The following CAPN12 variants were observed in gnomAD, a reference collection of about 807,000 sequenced individuals.
CAPN12 encodes calpain 12.
Under a neutral mutation model 95.0 loss-of-function variants are expected in CAPN12, and 107 were observed. The ratio of observed to expected loss-of-function variants is 1.13; its 90% CI spans 0.96 to 1.32. CAPN12 has a LOEUF of 1.32. Ranked by LOEUF, CAPN12 falls within the 40% of genes most tolerant of loss-of-function variation. The pLI is 0.00. For synonymous variants in CAPN12, 505 were observed against 415.5 expected (o/e 1.22, Z -2.62); for missense variants, 1,136 against 997.8 (o/e 1.14, Z -1.87).
chr19:38,731,425 C>T lies in CAPN12; in HGVS notation c.1958-202G>A, dbSNP rs969060443. On this transcript the variant is annotated intron_variant, in intron 18 of 20. Transcript: ENST00000328867. ...CATCCATCAAACGGACTAAGACAGC[C>T]CCGACCCCATAGGGTGTGTGAAGAC... is the stretch of plus-strand genomic sequence containing the variant. 33 of 606,860 alleles carry T rather than the reference C, an allele frequency of 5.4e-5. No homozygotes were observed. The East Asian group carries it at 6.4e-4, about 12-fold the overall frequency. 37.6% of individuals were successfully genotyped at this position (606,860 alleles called of 1,614,324 possible). A position where few individuals can be genotyped will look rare whatever the true frequency, so the allele number is the denominator to read the frequency against.
intron 5 of CAPN12, chr19:38,739,698 CAGAA>C (rs760584851): frequency 5.6e-4 from 94 of 167,070 alleles, no homozygotes; most frequent in Non-Finnish European, 9.8e-4. Context: ...CTGAAATTCT[CAGAA>C]AGAGGCACTT....
At position 38,737,234 on chromosome 19, in the gene CAPN12, C is replaced by A; in HGVS notation, c.1284G>T (p.Leu428=). The change falls in exon 10 of 21, where the codon CTG becomes CTT. Residue 428 remains leucine (L), a synonymous_variant. Transcript: ENST00000328867. ...GCCGCCGGTTGCGCTGGATGAGGGACAGAAGGACCGTGCACTTGGGCGTGC... is the reference window on the plus strand; with the variant it reads ...GCCGCCGGTTGCGCTGGATGAGGGAAAGAAGGACCGTGCACTTGGGCGTGC... ...GGRTPKCTVL[L]SLIQRNRRRL... is the part of the protein sequence containing the mutation. The A allele has an allele frequency of 1.9e-6, 3 of 1,551,508 alleles. No individual in the cohort carries two copies. Among genetic ancestry groups the A allele is most frequent in the Non-Finnish European group, 2.6e-6 (3 of 1,148,628 alleles).
chr19:38,738,052 C>T (rs1392634985), intron 8 of CAPN12, among the ~76,000 whole-genome samples: 1 of 152,014 alleles, frequency 6.6e-6, no homozygotes, highest in African/African-American at 2.4e-5. Context: ...CCTTCAAATT[C>T]CCCTCATATT....
chr19:38,736,492 ACCAAGCCCCAGGGCAG>A, intron 11 of CAPN12, 44 bp downstream of exon 11: 1 of 1,512,626 alleles, frequency 6.6e-7, no homozygotes, highest in African/African-American at 1.4e-5. Context: ...GGGCAGGTTG[ACCAAGCCCCAGGGCAG>A]GTTGACCAAG....
Position 38,738,629 on chromosome 19 carries a change from C to T in CAPN12, c.749G>A (p.Arg250His), listed in dbSNP as rs200615482. ...TCCCTTTACCAGGCCCTCTTCTGTG[C>T]GGTACTCACCCCGATCACTCTGGGC... is the stretch of plus-strand genomic sequence containing the variant. ...ATALSDRGEY[R>H]TEEGLVKGHA... Residue 250 changes from arginine (R) to histidine (H), a missense_variant, in exon 6 of 21, where the codon CGC becomes CAC. Coordinates refer to ENST00000328867, the MANE Select transcript of CAPN12 (RefSeq NM_144691.4). 34 of 1,613,970 alleles carry T rather than the reference C, an allele frequency of 2.1e-5. No individual in the cohort carries two copies. In the East Asian group the frequency reaches 4.2e-4, roughly 20 times the overall value.
rs1298952292 is a variant in CAPN12 at position 38,736,248 on chromosome 19, G to A, written c.1445C>T (p.Pro482Leu). The A allele has an allele frequency of 1.7e-5, 25 of 1,479,236 alleles. No individual in the cohort carries two copies. The highest frequency in any genetic ancestry group is 2.1e-5 in the Non-Finnish European group (24 of 1,122,910). 91.6% of individuals were successfully genotyped at this position (1,479,236 alleles called of 1,614,324 possible). Residue 482 changes from proline (P) to leucine (L), a missense_variant, in exon 12 of 21, where the codon CCC (proline) becomes CTC (leucine). By Grantham distance (98) the Pro-to-Leu change is moderately conservative. Coordinates refer to ENST00000328867, the MANE Select transcript of CAPN12 (RefSeq NM_144691.4). Reference protein sequence around the residue: ...LPRLLRADRSPLSARRDVTRR... With the variant: ...LPRLLRADRSLLSARRDVTRR... ...GGTCACGTCGCGGCGGGCGCTGAGG[G>A]GCGAGCGGTCGGCGCGCAGCAGCCG...
intron 18 of CAPN12, among the ~76,000 whole-genome samples, chr19:38,732,246 T>G (rs893304515): frequency 8.5e-5 from 13 of 152,222 alleles, no homozygotes; most frequent in African/African-American, 2.7e-4. Context: ...CTCCTGTCTA[T>G]CTCCGGCCCA....
chr19:38,733,411 C>G (rs1355884603), intron 18 of CAPN12: 5 of 418,220 alleles, frequency 1.2e-5, no homozygotes, highest in Non-Finnish European at 1.7e-5. Flanking sequence ...TCTCAGATAC[C>G]AGCTCCTAAT....
chr19:38,742,409 C>T lies in CAPN12; in HGVS notation c.426+1G>A, dbSNP rs773043443. On this transcript the variant is annotated splice_donor_variant, in intron 3 of 20. Transcript: ENST00000328867. LOFTEE classifies it high-confidence loss of function. ...GCATGGGCAGAGGAACTGAGCTGTA[C>T]CTGGAAGTGGAAGACGCCTGCGTAG... The T allele has an allele frequency of 2.2e-5, 35 of 1,607,126 alleles. No homozygotes were observed. In the East Asian group the frequency reaches 2.2e-4, roughly 10 times the overall value.
rs754604283 is a variant in CAPN12 at position 38,734,269 on chromosome 19, A to G, written c.1815+50T>C. The G allele has an allele frequency of 5.0e-6, 8 of 1,603,868 alleles. 1 individual carries two copies. The highest frequency in any genetic ancestry group is 4.5e-5 in the East Asian group (2 of 44,716). On this transcript the variant is annotated intron_variant, in intron 16 of 20. Coordinates refer to ENST00000328867, the MANE Select transcript of CAPN12 (RefSeq NM_144691.4). ...CTCCAGAAGGGGAGGAGAGACCCCA[A>G]CGTCCCCTTCCCCACTCCCTCCCTC...
At position 38,730,454 on chromosome 19, in the gene CAPN12, T is replaced by G. The variant is rs866126347; in HGVS notation, c.*398A>C. ...CCTTTTTTTTTTGAGTTTATTCTGATTGATTTTTTTTCTTGGTTTCTGGAT... is the reference window on the plus strand; with the variant it reads ...CCTTTTTTTTTTGAGTTTATTCTGAGTGATTTTTTTTCTTGGTTTCTGGAT... On this transcript the variant is annotated 3_prime_UTR_variant, in exon 21 of 21. Transcript: ENST00000328867. The G allele has an allele frequency of 3.3e-5, 7 of 212,062 alleles. No individual in the cohort carries two copies. Among genetic ancestry groups the G allele is most frequent in the African/African-American group, 1.4e-4 (6 of 42,926 alleles). 13.1% of individuals were successfully genotyped at this position (212,062 alleles called of 1,614,324 possible). A position where few individuals can be genotyped will look rare whatever the true frequency, so the allele number is the denominator to read the frequency against.
chr19:38,740,401 T>C (rs1052590067), intron 4 of CAPN12, among the ~76,000 whole-genome samples, 182 bp from the exon 5 acceptor site: 1 of 152,078 alleles, frequency 6.6e-6, no homozygotes, highest in Non-Finnish European at 1.5e-5. Context: ...CGTGATCTCA[T>C]CTCACTGTAG....
chr19:38,736,407 ACCCCTGTCCACGCCT>A, intron 11 of CAPN12, 89 bp from the exon 12 acceptor site: 1 of 1,507,408 alleles, frequency 6.6e-7, no homozygotes, highest in Non-Finnish European at 8.9e-7. Context: ...ACCCTGCCTA[ACCCCTGTCCACGCCT>A]CCCCTGCCCC....
Position 38,743,074 on chromosome 19 carries a change from C to G in CAPN12, c.266G>C (p.Cys89Ser). 6.2e-7 allele frequency: 1 copy of G among 1,614,038 alleles called. No homozygotes were observed. The highest frequency in any genetic ancestry group is 8.5e-7 in the Non-Finnish European group (1 of 1,179,970). ...HEFCAEPKFI[C>S]EDMSRTDVCQ... ...CACGTCTGTGCGGCTCATGTCTTCA[C>G]AGATGAACTTCGGCTCAGCACAGAA... Residue 89 changes from cysteine (C) to serine (S), a missense_variant, in exon 2 of 21, where the codon TGT (cysteine) becomes TCT (serine). Coordinates refer to ENST00000328867, the MANE Select transcript of CAPN12 (RefSeq NM_144691.4).
intron 4 of CAPN12, 135 bp downstream of exon 4, chr19:38,741,642 C>T (rs910198956): frequency 4.8e-6 from 5 of 1,044,292 alleles, no homozygotes; most frequent in African/African-American, 1.6e-5. Context: ...AGGGTTCTGG[C>T]GGTTGTCACT....
rs1969955182 is a variant in CAPN12 at position 38,735,414 on chromosome 19, GGGGC to G, written c.1638_1641del (p.Pro547TrpfsTer28). ...AACAGCTGCTCCAACCCCAGCTCCA[GGGGC>G]AGGTAGGGGCCCTGCCGCATGGCGG... On this transcript the variant is annotated frameshift_variant, in exon 14 of 21. Transcript: ENST00000328867. LOFTEE classifies it high-confidence loss of function. The G allele has an allele frequency of 6.2e-7, 1 of 1,609,586 alleles. No individual in the cohort carries two copies. The highest frequency in any genetic ancestry group is 8.5e-7 in the Non-Finnish European group (1 of 1,178,216).
At chr19:38,736,650 G>GCT (rs1970194485) in intron 10 of CAPN12, 87 bp from the exon 11 acceptor site, 3 of 1,435,072 alleles carry the variant, frequency 2.1e-6, no homozygotes, top group African/African-American at 1.4e-5. Context: ...TCACCTCTGT[G>GCT]CTCTCTCCCT....
At position 38,744,229 on chromosome 19, in the gene CAPN12, C is replaced by T. The variant is rs1198910411; in HGVS notation, c.-64G>A. 1.3e-6 allele frequency: 2 copies of T among 1,486,858 alleles called. No homozygotes were observed. The highest frequency in any genetic ancestry group is 9.3e-7 in the Non-Finnish European group (1 of 1,071,418). The allele number at this position is 1,486,858 out of a possible 1,614,324, so 92.1% of individuals were successfully genotyped here. On this transcript the variant is annotated 5_prime_UTR_variant, in exon 1 of 21. Transcript: ENST00000328867. ...ACCTCCTGAGTCACGGGGGCGGGGC[C>T]TCTCTTCCATTGGAGCCCCAGTGGG...
At chr19:38,738,222 C>A in intron 8 of CAPN12, 51 bp downstream of exon 8, 1 of 1,525,610 alleles carries the variant, frequency 6.6e-7, no homozygotes, top group Admixed American at 1.9e-5. Flanking sequence ...CTCCCTGAAC[C>A]CCTTGGCAGA....
Sources: gnomAD v4.1 joint callset for allele counts (sites outside exome capture counted in the v4.1 genomes callset) on GRCh38, gnomAD v4.1.1 for gene constraint, MANE v1.5 for transcripts, NCBI Gene and HGNC (gene_info 2026-07-23, HGNC 2026-07-21) for gene names.